Variants in STK24 observed in about 807,000 individuals in gnomAD.
The protein encoded by STK24 is serine/threonine kinase 24, also known as serine/threonine-protein kinase 24.
In STK24, 21 loss-of-function variants were observed where a neutral mutation model predicts 55.6. The observed-to-expected ratio is 0.38, with a 90% confidence interval of 0.27 to 0.54. The LOEUF (loss-of-function observed/expected upper bound fraction) is 0.54. Among genes scored for constraint, STK24 ranks in the 20% least tolerant of loss-of-function variants. The pLI is 0.79. For synonymous variants in STK24, 200 were observed against 215.2 expected (o/e 0.93, Z 0.62); for missense variants, 383 against 538.4 (o/e 0.71, Z 2.86).
At chr13:98,495,117 AG>A (rs1208305594) in intron 2 of STK24, among the ~76,000 whole-genome samples, 1 of 152,358 alleles carries the variant, frequency 6.6e-6, no homozygotes, top group East Asian at 1.9e-4. Flanking sequence ...GATTCAAGAA[AG>A]GGGCCTGGTT....
At chr13:98,483,203 G>GC in intron 2 of STK24, among the ~76,000 whole-genome samples, 1 of 152,226 alleles carries the variant, frequency 6.6e-6, no homozygotes, top group Non-Finnish European at 1.5e-5. Context: ...CGACCTAGGG[G>GC]CCCGGGCAGC....
At chr13:98,540,315 A>C (rs1896853912) in intron 1 of STK24, among the ~76,000 whole-genome samples, 1 of 152,156 alleles carries the variant, frequency 6.6e-6, no homozygotes, top group African/African-American at 2.4e-5. Flanking sequence ...ACTAAAACTC[A>C]CTGCATTTTA....
intron 2 of STK24, among the ~76,000 whole-genome samples, chr13:98,504,340 T>C (rs1895604065): frequency 6.6e-6 from 1 of 152,238 alleles, no homozygotes. Flanking sequence ...TTGCAATCCA[T>C]TTTCCAGTCT....
At chr13:98,571,183 G>A (rs1897730676) in intron 1 of STK24, among the ~76,000 whole-genome samples, 1 of 152,162 alleles carries the variant, frequency 6.6e-6, no homozygotes, top group African/African-American at 2.4e-5. Flanking sequence ...GCAGAAAGTA[G>A]CAGTGACCAT....
chr13:98,458,342 GAAGA>G (rs1893551967), intron 9 of STK24, among the ~76,000 whole-genome samples: 1 of 152,150 alleles, frequency 6.6e-6, no homozygotes, highest in Non-Finnish European at 1.5e-5. Context: ...CCTCTTCAGG[GAAGA>G]AAGAAACATC....
rs1158233843 is a variant in STK24, at chr13:98,446,952, A to G, written c.*6221T>C. Reference sequence around the variant, plus strand: ...ACTAAGCGTTTAGACCTGGGGTCCCACTGCCCGACACCAGCAGGCGATTCT... The same window carrying G: ...ACTAAGCGTTTAGACCTGGGGTCCCGCTGCCCGACACCAGCAGGCGATTCT... On this transcript the variant is annotated 3_prime_UTR_variant, in exon 11 of 11. Transcript: ENST00000539966. 2.3e-5 allele frequency: 20 copies of G among 868,384 alleles called. No individual in the cohort carries two copies. Among genetic ancestry groups the G allele is most frequent in the Non-Finnish European group, 3.4e-5 (19 of 559,960 alleles). 53.8% of individuals were successfully genotyped at this position (868,384 alleles called of 1,614,324 possible).
At chr13:98,485,984 G>C (rs1894789824) in intron 2 of STK24, among the ~76,000 whole-genome samples, 1 of 152,136 alleles carries the variant, frequency 6.6e-6, no homozygotes, top group Non-Finnish European at 1.5e-5. Flanking sequence ...AGAAATGGGA[G>C]GAAGCGGAAG....
chr13:98,521,380 T>A (rs1896254983), intron 1 of STK24, among the ~76,000 whole-genome samples: 1 of 152,180 alleles, frequency 6.6e-6, no homozygotes, highest in African/African-American at 2.4e-5. Context: ...GTTTACAGGT[T>A]TTAAAAAACA....
intron 10 of STK24, chr13:98,453,985 C>A (rs1893328051): frequency 6.6e-6 from 1 of 152,120 alleles, no homozygotes; most frequent in Non-Finnish European, 1.5e-5. Flanking sequence ...CCCCAGAGAG[C>A]AGTTCCTTTG....
At chr13:98,486,741 A>G (rs979191103) in intron 2 of STK24, among the ~76,000 whole-genome samples, 1 of 152,212 alleles carries the variant, frequency 6.6e-6, no homozygotes, top group African/African-American at 2.4e-5. Context: ...GGACGCTGAC[A>G]AATCTGACAT....
In STK24 at chr13:98,448,469, A is replaced by G. The variant is rs1177808818; in HGVS notation, c.*4704T>C. On this transcript the variant is annotated 3_prime_UTR_variant, in exon 11 of 11. Coordinates refer to ENST00000539966, the MANE Select transcript of STK24 (RefSeq NM_001032296.4). ...CCTGTCTCCACAGCCGCGTTTTTTAACCCCGACCTCTCAGCGTCTGAATGA... is the reference window on the plus strand; with the variant it reads ...CCTGTCTCCACAGCCGCGTTTTTTAGCCCCGACCTCTCAGCGTCTGAATGA... 2 of 637,862 alleles carry G rather than the reference A, an allele frequency of 3.1e-6. No homozygotes were observed. Among genetic ancestry groups the G allele is most frequent in the Non-Finnish European group, 5.6e-6 (2 of 357,374 alleles). 39.5% of individuals were successfully genotyped at this position (637,862 alleles called of 1,614,324 possible).
At chr13:98,456,579 G>C (rs781058745) in intron 10 of STK24, 2 of 486,662 alleles carry the variant, frequency 4.1e-6, no homozygotes, top group South Asian at 3.1e-5. Context: ...AGTTGGGAGG[G>C]GGCAGGGAGG....
In STK24 at chr13:98,486,117, G is replaced by A. The variant is rs551435149; in HGVS notation, c.274-3796C>T. Among the ~76,000 whole-genome samples the A allele has an allele frequency of 3.0e-4, 45 of 151,964 alleles. 1 individual carries two copies. The highest frequency in any genetic ancestry group is 1.0e-3 in the African/African-American group (43 of 41,422). On this transcript the variant is annotated intron_variant, in intron 2 of 10. Transcript: ENST00000539966. ...AAATACCCAATGTAGATGACGGTTTGATGGGTGCGGCAAACCACCATGGCA... is the reference window on the plus strand; with the variant it reads ...AAATACCCAATGTAGATGACGGTTTAATGGGTGCGGCAAACCACCATGGCA...
At chr13:98,494,957 A>G (rs1207690199) in intron 2 of STK24, among the ~76,000 whole-genome samples, 1 of 152,166 alleles carries the variant, frequency 6.6e-6, no homozygotes, top group Non-Finnish European at 1.5e-5. Context: ...ACCACCACCA[A>G]CGCCTCGGTG....
chr13:98,485,750 C>A (rs1894780702), intron 2 of STK24, among the ~76,000 whole-genome samples: 1 of 152,200 alleles, frequency 6.6e-6, no homozygotes, highest in East Asian at 1.9e-4. Context: ...TCTCTTTAGT[C>A]TCAGTCATCA....
rs57942566 is a variant in STK24, at chr13:98,543,955, T to C, written c.43-24482A>G. Among the ~76,000 whole-genome samples the C allele has an allele frequency of 6.4e-3, 978 of 152,290 alleles. 14 individuals carry two copies. The highest frequency in any genetic ancestry group is 0.022 in the African/African-American group (924 of 41,552). ...TCATAAGAACAGCACACAATGTAAA[T>C]TGGCAAGTGTGAGTATCCTGGCTCT... is the stretch of plus-strand genomic sequence containing the variant. On this transcript the variant is annotated intron_variant, in intron 1 of 10. Coordinates refer to ENST00000539966, the MANE Select transcript of STK24 (RefSeq NM_001032296.4).
chr13:98,535,910 C>T (rs1360759885), intron 1 of STK24, among the ~76,000 whole-genome samples: 1 of 152,202 alleles, frequency 6.6e-6, no homozygotes, highest in Non-Finnish European at 1.5e-5. Flanking sequence ...GGTGAACTCA[C>T]CTTCCTGTAT....
At chr13:98,456,372 G>C (rs1893454660) in intron 10 of STK24, 1 of 416,124 alleles carries the variant, frequency 2.4e-6, no homozygotes, top group Non-Finnish European at 4.9e-6. Flanking sequence ...GGAGGTGTCA[G>C]CCTGGACACC....
chr13:98,562,090 T>A (rs1897439171), intron 1 of STK24, among the ~76,000 whole-genome samples: 1 of 151,570 alleles, frequency 6.6e-6, no homozygotes, highest in Non-Finnish European at 1.5e-5. Context: ...AAATGTGGGA[T>A]GATATTTATG....
Sources: allele counts gnomAD v4.1 joint callset (sites outside exome capture counted in the v4.1 genomes callset), GRCh38; gene constraint gnomAD v4.1.1; transcripts MANE v1.5; gene names NCBI Gene and HGNC (gene_info 2026-07-23, HGNC 2026-07-21).